Variants in XPO4 observed in about 807,000 individuals in gnomAD.
The protein encoded by XPO4 is exportin-4.
In XPO4, 39 loss-of-function variants were observed where a neutral mutation model predicts 143.0. The observed-to-expected ratio is 0.27, with a 90% CI of 0.21 to 0.36. The LOEUF (loss-of-function observed/expected upper bound fraction) is 0.36. Among genes scored for constraint, XPO4 ranks in the 10% least tolerant of loss-of-function variants. The pLI is 1.00. For synonymous variants in XPO4, 439 were observed against 474.0 expected (o/e 0.93, Z 0.96); for missense variants, 907 against 1,348.0 (o/e 0.67, Z 5.12).
At chr13:20,901,584 G>A (rs1429778070) in intron 1 of XPO4, among the ~76,000 whole-genome samples, 4 of 152,196 alleles carry the variant, frequency 2.6e-5, no homozygotes, top group African/African-American at 9.7e-5. Flanking sequence ...TCATAATGAA[G>A]CAAGTAAATC....
intron 1 of XPO4, among the ~76,000 whole-genome samples, chr13:20,900,902 G>A (rs1397816485): frequency 6.6e-6 from 1 of 152,076 alleles, no homozygotes; most frequent in Non-Finnish European, 1.5e-5. Context: ...ATGAGCCACC[G>A]CACCCGGCTG....
intron 3 of XPO4, chr13:20,857,725 T>G (rs2060158703): frequency 4.6e-6 from 3 of 657,766 alleles, no homozygotes; most frequent in Non-Finnish European, 5.6e-6. Flanking sequence ...AGACTCCATC[T>G]CAAAAACAAA....
chr13:20,870,997 G>A (rs927665576), intron 1 of XPO4, among the ~76,000 whole-genome samples: 8 of 151,972 alleles, frequency 5.3e-5, no homozygotes, highest in African/African-American at 1.9e-4. Context: ...TTGTAGAGAT[G>A]GGGTCTCACT....
intron 1 of XPO4, among the ~76,000 whole-genome samples, chr13:20,873,753 G>A (rs937055402): frequency 1.3e-5 from 2 of 152,012 alleles, no homozygotes; most frequent in African/African-American, 2.4e-5. Flanking sequence ...GCCTCAGCTC[G>A]TCTAGTAGCT....
intron 1 of XPO4, among the ~76,000 whole-genome samples, chr13:20,891,122 T>TA (rs57528913): frequency 0.07 from 5,982 of 85,900 alleles, 398 homozygotes; most frequent in East Asian, 0.22. Flanking sequence ...CATCTCAATT[T>TA]AAAAAAAAAA....
In XPO4 at chr13:20,783,339, GCATA is replaced by G; in HGVS notation, c.*379_*382del. 1 of 247,848 alleles carries G rather than the reference GCATA, an allele frequency of 4.0e-6. No homozygotes were observed. The highest frequency in any genetic ancestry group is 7.9e-6 in the Non-Finnish European group (1 of 126,918). The allele number at this position is 247,848 out of a possible 1,614,324, so 15.4% of individuals were successfully genotyped here. A position where few individuals can be genotyped will look rare whatever the true frequency, so the allele number is the denominator to read the frequency against. On this transcript the variant is annotated 3_prime_UTR_variant, in exon 23 of 23. Transcript: ENST00000255305. ...TGGAGATTTTGAGAAACACTGCCTA[GCATA>G]TATCCATTTCATATTTAATGACAAA...
intron 9 of XPO4, among the ~76,000 whole-genome samples, chr13:20,814,903 T>C (rs61954164): frequency 6.6e-6 from 1 of 152,218 alleles, no homozygotes; most frequent in African/African-American, 2.4e-5. Context: ...CCTTTAGTCA[T>C]AGAAAAAAAT....
At chr13:20,855,430 G>C (rs1949165274) in intron 4 of XPO4, among the ~76,000 whole-genome samples, 197 bp downstream of exon 4, 2 of 150,538 alleles carry the variant, frequency 1.3e-5, no homozygotes, top group African/African-American at 4.9e-5. Context: ...ACTCCAGCCT[G>C]GGCAACAAGA....
Position 20,835,753 on chromosome 13 carries a change from A to T in XPO4, c.727+7142T>A, listed in dbSNP as rs372141318. ...CAGGTCCACTTGTACTTTCACTAGA[A>T]GTTACACCAAGTGTGCCTTCCTTTC... On this transcript the variant is annotated intron_variant, in intron 6 of 22. Transcript: ENST00000255305. Among the ~76,000 whole-genome samples the T allele has an allele frequency of 2.8e-4, 42 of 152,256 alleles. 1 individual carries two copies. In the East Asian group the frequency reaches 6.0e-3, roughly 22 times the overall value.
intron 4 of XPO4, chr13:20,850,038 G>A (rs935010014): frequency 2.6e-5 from 22 of 844,924 alleles, no homozygotes; most frequent in South Asian, 1.6e-4. Context: ...CCCAGGAGGC[G>A]GAGGTTGTAG....
At chr13:20,809,743 A>T (rs1595079613) in intron 10 of XPO4, 48 bp downstream of exon 10, 5 of 1,533,470 alleles carry the variant, frequency 3.3e-6, no homozygotes, top group Non-Finnish European at 4.4e-6. Flanking sequence ...GGTAAAATAT[A>T]GCCTATGATG....
intron 1 of XPO4, among the ~76,000 whole-genome samples, chr13:20,901,237 T>TTATAGGGGA: frequency 6.6e-6 from 1 of 152,300 alleles, no homozygotes; most frequent in Non-Finnish European, 1.5e-5. Context: ...CACCTACTCC[T>TTATAGGGGA]TATAGGGGAT....
At chr13:20,808,632 G>A (rs914525248) in intron 11 of XPO4, 51 bp from the exon 12 acceptor site, 11 of 1,430,380 alleles carry the variant, frequency 7.7e-6, no homozygotes, top group African/African-American at 4.2e-5. Flanking sequence ...GCAAAGACAT[G>A]GAACAACTTA....
At chr13:20,851,730 A>ACG (rs2060091833) in intron 4 of XPO4, 1 of 828,048 alleles carries the variant, frequency 1.2e-6, no homozygotes, top group African/African-American at 2.7e-5. Context: ...AAAAAAAAAA[A>ACG]GAAAGAAAGA....
chr13:20,878,480 T>G (rs941306608), intron 1 of XPO4, among the ~76,000 whole-genome samples: 1 of 152,238 alleles, frequency 6.6e-6, no homozygotes, highest in African/African-American at 2.4e-5. Flanking sequence ...TAGTCATACA[T>G]TGGTTTATAA....
intron 1 of XPO4, among the ~76,000 whole-genome samples, chr13:20,895,882 A>C (rs1019099833): frequency 1.3e-5 from 2 of 152,184 alleles, no homozygotes; most frequent in Non-Finnish European, 2.9e-5. Flanking sequence ...CAGTATATTA[A>C]ATCAATTTGG....
chr13:20,843,716 G>T, intron 5 of XPO4, 54 bp downstream of exon 5: 1 of 1,224,338 alleles, frequency 8.2e-7, no homozygotes. Flanking sequence ...GGAATAGATT[G>T]AGTAAAAAGT....
intron 6 of XPO4, among the ~76,000 whole-genome samples, chr13:20,837,650 A>G (rs1018555787): frequency 1.3e-5 from 2 of 152,190 alleles, no homozygotes; most frequent in African/African-American, 2.4e-5. Context: ...GCAATTTACA[A>G]AAGAAAGAGA....
At chr13:20,880,289 G>A (rs867779649) in intron 1 of XPO4, among the ~76,000 whole-genome samples, 9 of 152,024 alleles carry the variant, frequency 5.9e-5, no homozygotes, top group Non-Finnish European at 8.8e-5. Flanking sequence ...AAAATTAGCC[G>A]GGCGTGGTGG....
Sources: gnomAD v4.1 joint callset for allele counts (sites outside exome capture counted in the v4.1 genomes callset) on GRCh38, gnomAD v4.1.1 for gene constraint, MANE v1.5 for transcripts, NCBI Gene and HGNC (gene_info 2026-07-23, HGNC 2026-07-21) for gene names.